The following SIL1 variants were observed in gnomAD, a reference collection of about 807,000 sequenced individuals.
SIL1 encodes the protein SIL1 nucleotide exchange factor, also known as nucleotide exchange factor SIL1.
SIL1 carries 40 observed loss-of-function variants against 49.1 expected under a neutral mutation model. The ratio of observed to expected loss-of-function variants is 0.81; its 90% CI spans 0.63 to 1.06. The LOEUF (loss-of-function observed/expected upper bound fraction) is 1.06. SIL1 is among the 50% of genes least tolerant of loss of function. The probability of loss-of-function intolerance (pLI) is 0.00; values close to 1 mark genes in which losing one functional copy is unlikely to be tolerated. For synonymous variants in SIL1, 253 were observed against 250.8 expected, an observed-to-expected ratio of 1.01 and a Z score of -0.08; for missense variants, 500 against 572.6, an observed-to-expected ratio of 0.87 and a Z score of 1.29.
chr5:139,074,296 ATCC>A (rs1272468001), intron 3 of SIL1, among the ~76,000 whole-genome samples: 2 of 152,176 alleles, frequency 1.3e-5, no homozygotes, highest in Non-Finnish European at 2.9e-5. Context: ...GGTTCAAGCA[ATCC>A]TCCTGCCTTG....
chr5:139,018,703 A>G (rs1217882245), intron 7 of SIL1, among the ~76,000 whole-genome samples: 4 of 152,160 alleles, frequency 2.6e-5, no homozygotes, highest in African/African-American at 9.7e-5. Flanking sequence ...AAGAAAAGAA[A>G]TAAGAATTAC....
intron 1 of SIL1, chr5:139,131,646 G>C (rs1750867105): frequency 6.6e-6 from 1 of 152,194 alleles, no homozygotes; most frequent in Non-Finnish European, 1.5e-5. Flanking sequence ...AGTGCCACGA[G>C]AGCTTCCCCC....
chr5:139,196,102 AT>A (rs1375720239), intron 1 of SIL1, among the ~76,000 whole-genome samples: 2 of 152,176 alleles, frequency 1.3e-5, no homozygotes, highest in Non-Finnish European at 2.9e-5. Context: ...TAGTGAGAGT[AT>A]TACTTAAGCC....
At chr5:139,167,928 T>C (rs1283669997) in intron 1 of SIL1, among the ~76,000 whole-genome samples, 1 of 152,188 alleles carries the variant, frequency 6.6e-6, no homozygotes, top group Non-Finnish European at 1.5e-5. Flanking sequence ...GCAATCCTCC[T>C]ACCTCAGCCT....
intron 6 of SIL1, among the ~76,000 whole-genome samples, chr5:139,021,646 C>T (rs569990309): frequency 6.6e-6 from 1 of 152,114 alleles, no homozygotes; most frequent in Non-Finnish European, 1.5e-5. Context: ...TCATCAGCAC[C>T]ACTAAATGGT....
chr5:138,979,653 G>A (rs1484929462), intron 7 of SIL1, among the ~76,000 whole-genome samples: 1 of 152,142 alleles, frequency 6.6e-6, no homozygotes, highest in East Asian at 1.9e-4. Flanking sequence ...ACCAGCACAA[G>A]TCACCATACC....
intron 9 of SIL1, among the ~76,000 whole-genome samples, chr5:138,949,884 C>CCCAAA (rs1766726952): frequency 6.6e-6 from 1 of 151,982 alleles, no homozygotes; most frequent in Non-Finnish European, 1.5e-5. Flanking sequence ...ACTGCCTCAG[C>CCCAAA]CCAAGTACAG....
intron 1 of SIL1, among the ~76,000 whole-genome samples, chr5:139,172,961 T>C (rs937531114): frequency 2.0e-5 from 3 of 151,806 alleles, no homozygotes; most frequent in African/African-American, 7.3e-5. Context: ...GAAGACAGCC[T>C]ACCCTAGAAT....
At chr5:139,095,687 T>C (rs2151779085) in intron 3 of SIL1, among the ~76,000 whole-genome samples, 1 of 152,180 alleles carries the variant, frequency 6.6e-6, no homozygotes, top group Admixed American at 6.5e-5. Flanking sequence ...AAATGAGCCA[T>C]TGTGGTGGCA....
intron 3 of SIL1, among the ~76,000 whole-genome samples, chr5:139,085,879 G>A (rs896626775): frequency 5.3e-5 from 8 of 152,144 alleles, no homozygotes; most frequent in Non-Finnish European, 1.0e-4. Context: ...ATTTATGACA[G>A]CCTTGATAAA....
At chr5:139,105,464 CA>C (rs573613218) in intron 3 of SIL1, among the ~76,000 whole-genome samples, 15 of 150,064 alleles carry the variant, frequency 1.0e-4, no homozygotes, top group African/African-American at 3.2e-4. Context: ...AGAAATCTAT[CA>C]AAAAAAAAAT....
chr5:138,977,350 A>C (rs1394301801), intron 7 of SIL1, among the ~76,000 whole-genome samples: 1 of 152,218 alleles, frequency 6.6e-6, no homozygotes, highest in Non-Finnish European at 1.5e-5. Context: ...AGGTGACTTG[A>C]ACTAGATACC....
intron 1 of SIL1, among the ~76,000 whole-genome samples, chr5:139,153,959 C>A (rs1325904334): frequency 1.3e-5 from 2 of 152,222 alleles, no homozygotes; most frequent in Non-Finnish European, 2.9e-5. Flanking sequence ...GACCCAACTT[C>A]TTCAAGCTGG....
At chr5:139,048,891 G>A (rs755356752) in intron 4 of SIL1, among the ~76,000 whole-genome samples, 13 of 152,238 alleles carry the variant, frequency 8.5e-5, no homozygotes, top group Non-Finnish European at 1.6e-4. Flanking sequence ...GCCACTCCAA[G>A]TATAGGCCTA....
intron 7 of SIL1, among the ~76,000 whole-genome samples, chr5:139,011,817 A>G (rs991268148): frequency 5.9e-5 from 9 of 152,184 alleles, no homozygotes; most frequent in Admixed American, 3.9e-4. Context: ...TGCATCTACC[A>G]GTAACCCAGA....
chr5:138,998,133 T>C (rs572920897), intron 7 of SIL1, among the ~76,000 whole-genome samples: 1 of 152,296 alleles, frequency 6.6e-6, no homozygotes, highest in Non-Finnish European at 1.5e-5. Context: ...TTAAACTCTT[T>C]ATGCTGCTAT....
chr5:139,165,024 G>C (rs1751587566), intron 1 of SIL1, among the ~76,000 whole-genome samples: 1 of 152,182 alleles, frequency 6.6e-6, no homozygotes, highest in Non-Finnish European at 1.5e-5. Context: ...ATTCTATAGA[G>C]AATCCCCTAC....
chr5:139,042,025 C>G (rs1227356634), intron 5 of SIL1, among the ~76,000 whole-genome samples: 2 of 152,120 alleles, frequency 1.3e-5, no homozygotes, highest in Non-Finnish European at 2.9e-5. Context: ...AGGGGCATGG[C>G]CAAGGGGCTG....
At chr5:138,956,911 T>C (rs1191230121) in intron 7 of SIL1, among the ~76,000 whole-genome samples, 1 of 152,088 alleles carries the variant, frequency 6.6e-6, no homozygotes, top group African/African-American at 2.4e-5. Context: ...TCACTTTGTG[T>C]TGGGACCTGT....
Sources: allele counts gnomAD v4.1 joint callset (sites outside exome capture counted in the v4.1 genomes callset), GRCh38; gene constraint gnomAD v4.1.1; transcripts MANE v1.5; gene names NCBI Gene and HGNC (gene_info 2026-07-23, HGNC 2026-07-21).